Variants in CDH18 observed in about 807,000 individuals in gnomAD.
CDH18 encodes cadherin 18, also known as cadherin-18.
In CDH18, 31 loss-of-function variants were observed where a neutral mutation model predicts 67.9. That is an observed-to-expected ratio of 0.46 (90% CI 0.34 to 0.62). The LOEUF (loss-of-function observed/expected upper bound fraction) is 0.62, where lower values mean the gene tolerates loss of function less well. Among genes scored for constraint, CDH18 ranks in the 20% least tolerant of loss-of-function variants. CDH18 has a pLI of 0.01. For missense variants in CDH18, 890 were observed against 975.5 expected (o/e 0.91, Z 1.17); for synonymous variants, 362 against 347.2 (o/e 1.04, Z -0.48).
chr5:20,518,088 G>A (rs13164193), intron 1 of CDH18, among the ~76,000 whole-genome samples: 59,913 of 151,400 alleles, frequency 0.4, 13,244 homozygotes, highest in East Asian at 0.56. Flanking sequence ...GTGGGGAAAT[G>A]TTCCAGTAAG....
intron 1 of CDH18, among the ~76,000 whole-genome samples, chr5:20,544,175 C>G (rs1703057): frequency 0.44 from 66,888 of 151,786 alleles, 15,146 homozygotes; most frequent in East Asian, 0.57. Flanking sequence ...ATTACAAACA[C>G]AGAAATTTAC....
chr5:20,506,566 G>A (rs1234493857), intron 1 of CDH18, among the ~76,000 whole-genome samples: 1 of 152,152 alleles, frequency 6.6e-6, no homozygotes, highest in Non-Finnish European at 1.5e-5. Flanking sequence ...CCCCAGTTGA[G>A]CCTCCAGATG....
At chr5:20,443,230 A>AAAAAAAAAT in intron 1 of CDH18, among the ~76,000 whole-genome samples, 1 of 142,396 alleles carries the variant, frequency 7.0e-6, no homozygotes, top group South Asian at 2.2e-4. Context: ...AAAAAAAAAA[A>AAAAAAAAAT]AGTATATCTT....
intron 6 of CDH18, among the ~76,000 whole-genome samples, chr5:19,604,529 A>AC (rs1304039935): frequency 5.3e-5 from 4 of 75,628 alleles, no homozygotes; most frequent in African/African-American, 1.6e-4. Flanking sequence ...TTTCAAATTA[A>AC]AACACACACA....
At chr5:20,330,560 G>A (rs73056766) in intron 1 of CDH18, among the ~76,000 whole-genome samples, 8,049 of 152,174 alleles carry the variant, frequency 0.053, 685 homozygotes, top group African/African-American at 0.18. Context: ...GACAAAAATG[G>A]CAGAGTTTAA....
rs185938208 is a variant in CDH18 at position 19,784,070 on chromosome 5, T to A, written c.229-36834A>T. On this transcript the variant is annotated intron_variant, in intron 3 of 12. Transcript: ENST00000382275. Reference sequence around the variant, plus strand: ...GTAAATTCATTTCTTCATTCCATAATTCATTTAATACATTTTAGTTATATG... The same window carrying A: ...GTAAATTCATTTCTTCATTCCATAAATCATTTAATACATTTTAGTTATATG... Among the ~76,000 whole-genome samples, 937 of 152,318 alleles carry A rather than the reference T, an allele frequency of 6.2e-3. 4 individuals are homozygous for A. The highest frequency in any genetic ancestry group is 9.4e-3 in the Non-Finnish European group (637 of 68,012).
At chr5:20,135,460 G>C (rs753142228) in intron 2 of CDH18, among the ~76,000 whole-genome samples, 8 of 151,786 alleles carry the variant, frequency 5.3e-5, no homozygotes, top group Admixed American at 1.3e-4. Context: ...TTTTTAATGC[G>C]TCTATTTGAT....
intron 1 of CDH18, among the ~76,000 whole-genome samples, chr5:20,340,746 CCTTTCTGATCTCCCCT>C (rs1740187109): frequency 2.6e-5 from 4 of 152,142 alleles, no homozygotes; most frequent in African/African-American, 4.8e-5. Context: ...CTGGAGTGAG[CCTTTCTGATCTCCCCT>C]CCAATCTGGG....
intron 3 of CDH18, among the ~76,000 whole-genome samples, chr5:19,792,855 T>C (rs1312151053): frequency 6.6e-6 from 1 of 152,178 alleles, no homozygotes; most frequent in Non-Finnish European, 1.5e-5. Flanking sequence ...CTAGCTATGG[T>C]AGAACTTTAC....
At chr5:20,040,289 A>G (rs770843004) in intron 2 of CDH18, among the ~76,000 whole-genome samples, 13 of 152,098 alleles carry the variant, frequency 8.5e-5, no homozygotes, top group Non-Finnish European at 1.5e-4. Flanking sequence ...AATAATATTA[A>G]TAATAAAAAC....
At chr5:19,811,163 AG>A (rs1778694400) in intron 3 of CDH18, among the ~76,000 whole-genome samples, 2 of 105,268 alleles carry the variant, frequency 1.9e-5, no homozygotes, top group African/African-American at 3.8e-5. Context: ...AGAAAGAAGG[AG>A]AGAAAGAAAG....
At chr5:19,999,559 G>A (rs567992591) in intron 2 of CDH18, among the ~76,000 whole-genome samples, 33 of 152,214 alleles carry the variant, frequency 2.2e-4, no homozygotes, top group Non-Finnish European at 3.1e-4. Flanking sequence ...TTGAGATTGC[G>A]CCATTGCGCT....
intron 5 of CDH18, among the ~76,000 whole-genome samples, chr5:19,639,491 C>T (rs1366781409): frequency 6.6e-6 from 1 of 152,150 alleles, no homozygotes; most frequent in Non-Finnish European, 1.5e-5. Context: ...AAGGGAAGTA[C>T]CCCTGCATCT....
At chr5:19,956,932 T>A (rs1796314293) in intron 2 of CDH18, among the ~76,000 whole-genome samples, 1 of 151,954 alleles carries the variant, frequency 6.6e-6, no homozygotes, top group Admixed American at 6.6e-5. Context: ...TAGAGGTGGA[T>A]GTAAATCTAT....
Position 20,249,206 on chromosome 5 carries a change from G to T in CDH18, c.-518+6238C>A, listed in dbSNP as rs551216386. Among the ~76,000 whole-genome samples the T allele has an allele frequency of 3.4e-4, 52 of 151,962 alleles. 1 individual carries two copies. The highest frequency in any genetic ancestry group is 1.2e-3 in the African/African-American group (49 of 41,420). ...TGTGATCAAGCAAAATTCATTATGT[G>T]ATTTTTTTAAATTATTTTTAAAACT... On this transcript the variant is annotated intron_variant, in intron 2 of 14. Coordinates refer to the CDH18 transcript ENST00000507958.
chr5:19,752,403 G>A (rs992138378), intron 3 of CDH18, among the ~76,000 whole-genome samples: 8 of 151,968 alleles, frequency 5.3e-5, no homozygotes, highest in Admixed American at 1.3e-4. Flanking sequence ...TGTGACTCCC[G>A]GCTCTCCCCC....
At chr5:20,216,957 T>C (rs541544620) in intron 2 of CDH18, among the ~76,000 whole-genome samples, 1 of 151,954 alleles carries the variant, frequency 6.6e-6, no homozygotes, top group South Asian at 2.1e-4. Flanking sequence ...GGAAACCTTA[T>C]TAGCCAGAAA....
chr5:19,990,800 G>T (rs1043072887), upstream of CDH18, among the ~76,000 whole-genome samples: 2 of 151,516 alleles, frequency 1.3e-5, no homozygotes, highest in African/African-American at 4.9e-5. Flanking sequence ...AGAAGAAGAA[G>T]AAGAAGGAAA....
intron 5 of CDH18, among the ~76,000 whole-genome samples, chr5:19,654,841 T>C (rs1339371223): frequency 6.6e-6 from 1 of 152,148 alleles, no homozygotes; most frequent in Non-Finnish European, 1.5e-5. Context: ...CATCTTCCCC[T>C]GGAGTTTGAC....
Sources: gnomAD v4.1 joint callset for allele counts (sites outside exome capture counted in the v4.1 genomes callset) on GRCh38, gnomAD v4.1.1 for gene constraint, MANE v1.5 for transcripts, NCBI Gene and HGNC (gene_info 2026-07-23, HGNC 2026-07-21) for gene names.